Variants in RBMS3 observed in about 807,000 individuals in gnomAD.
The protein encoded by RBMS3 is RNA-binding motif, single-stranded-interacting protein 3.
A neutral mutation model predicts 66.8 loss-of-function variants in RBMS3; 27 were observed. The ratio of observed to expected loss-of-function variants is 0.40; its 90% CI spans 0.30 to 0.56. RBMS3 has a LOEUF of 0.56. RBMS3 is among the 20% of genes least tolerant of loss of function. The pLI is 0.40. For missense variants in RBMS3, 513 were observed against 549.5 expected (o/e 0.93, Z 0.66); for synonymous variants, 188 against 183.0 (o/e 1.03, Z -0.22).
chr3:29,546,185 TTTTA>T (rs2045943070), intron 3 of RBMS3, among the ~76,000 whole-genome samples: 1 of 151,990 alleles, frequency 6.6e-6, no homozygotes, highest in Non-Finnish European at 1.5e-5. Flanking sequence ...CACATTTATT[TTTTA>T]TTTAATTTAG....
chr3:29,511,774 T>C (rs1559424915), intron 3 of RBMS3, among the ~76,000 whole-genome samples: 1 of 152,078 alleles, frequency 6.6e-6, no homozygotes, highest in Non-Finnish European at 1.5e-5. Context: ...ATTTTCACAT[T>C]ATGACTTTAA....
At chr3:29,626,603 T>G (rs115860332) in intron 4 of RBMS3, among the ~76,000 whole-genome samples, 2,764 of 152,276 alleles carry the variant, frequency 0.018, 84 homozygotes, top group African/African-American at 0.062. Flanking sequence ...CCATTTTTGT[T>G]TGGCAATCAT....
chr3:29,991,054 G>A (rs768116016), intron 13 of RBMS3, 28 bp from the exon 14 acceptor site: 13 of 1,609,882 alleles, frequency 8.1e-6, no homozygotes, highest in Non-Finnish European at 1.1e-5. Flanking sequence ...AGCAAGTAAG[G>A]CTTTTATGTT....
At chr3:29,941,451 A>G (rs1313723797) in intron 11 of RBMS3, among the ~76,000 whole-genome samples, 1 of 151,854 alleles carries the variant, frequency 6.6e-6, no homozygotes, top group Admixed American at 6.6e-5. Context: ...CATCTAAAAT[A>G]GTTTTTTAGG....
chr3:29,736,777 A>G (rs1393440588), intron 4 of RBMS3, among the ~76,000 whole-genome samples: 1 of 152,176 alleles, frequency 6.6e-6, no homozygotes, highest in Non-Finnish European at 1.5e-5. Flanking sequence ...CTTCCCAGTA[A>G]AAAGACTCAG....
intron 6 of RBMS3, among the ~76,000 whole-genome samples, chr3:29,806,768 G>A (rs539105341): frequency 2.0e-5 from 3 of 152,000 alleles, no homozygotes; most frequent in East Asian, 3.9e-4. Flanking sequence ...ATTCAGGTAT[G>A]TCATGAATTC....
chr3:29,512,932 C>T (rs1242832919), intron 3 of RBMS3, among the ~76,000 whole-genome samples: 1 of 152,194 alleles, frequency 6.6e-6, no homozygotes, highest in African/African-American at 2.4e-5. Context: ...TGTCTGCTCT[C>T]ACCACATTCA....
intron 4 of RBMS3, among the ~76,000 whole-genome samples, chr3:29,600,094 T>A (rs2048092146): frequency 6.6e-6 from 1 of 152,128 alleles, no homozygotes; most frequent in Non-Finnish European, 1.5e-5. Flanking sequence ...TTGATAAAGT[T>A]ACGAATTGTT....
intron 10 of RBMS3, among the ~76,000 whole-genome samples, chr3:29,932,181 G>C (rs1019637833): frequency 6.6e-6 from 1 of 152,138 alleles, no homozygotes; most frequent in South Asian, 2.1e-4. Context: ...TGATTATATG[G>C]TGTGATTATT....
chr3:29,699,636 G>A (rs17024224), intron 4 of RBMS3, among the ~76,000 whole-genome samples: 18,429 of 152,076 alleles, frequency 0.12, 2,446 homozygotes, highest in African/African-American at 0.33. Context: ...ACATTGTGAC[G>A]TAAGTATTAC....
At chr3:29,648,206 A>G (rs998405184) in intron 4 of RBMS3, among the ~76,000 whole-genome samples, 1 of 149,654 alleles carries the variant, frequency 6.7e-6, no homozygotes, top group Admixed American at 6.7e-5. Context: ...TAAAAATTAT[A>G]TTCAATTATA....
At chr3:29,592,765 C>T (rs1202115447) in intron 4 of RBMS3, among the ~76,000 whole-genome samples, 2 of 152,074 alleles carry the variant, frequency 1.3e-5, no homozygotes, top group Non-Finnish European at 2.9e-5. Flanking sequence ...ACCCAAATGT[C>T]CATCGATGAT....
At chr3:29,576,000 C>A (rs1175551731) in intron 3 of RBMS3, among the ~76,000 whole-genome samples, 1 of 152,002 alleles carries the variant, frequency 6.6e-6, no homozygotes, top group Non-Finnish European at 1.5e-5. Context: ...AGGATTAGTC[C>A]TTCATGCATT....
chr3:29,377,063 T>A (rs1006364696), intron 1 of RBMS3, among the ~76,000 whole-genome samples: 8 of 150,556 alleles, frequency 5.3e-5, no homozygotes, highest in African/African-American at 2.0e-4. Flanking sequence ...CACTATAGCC[T>A]CGGTGACAAG....
intron 4 of RBMS3, among the ~76,000 whole-genome samples, chr3:29,678,901 G>C (rs2051368622): frequency 6.6e-6 from 1 of 152,092 alleles, no homozygotes. Context: ...GCTATTGACT[G>C]AGATGATATA....
intron 7 of RBMS3, among the ~76,000 whole-genome samples, chr3:29,873,890 TATTA>T (rs1227649248): frequency 2.6e-5 from 4 of 152,254 alleles, no homozygotes; most frequent in Non-Finnish European, 5.9e-5. Flanking sequence ...TAATTGCATT[TATTA>T]ATTGTCATGT....
chr3:29,560,094 T>C (rs2149046681), intron 3 of RBMS3, among the ~76,000 whole-genome samples: 1 of 152,304 alleles, frequency 6.6e-6, no homozygotes, highest in Non-Finnish European at 1.5e-5. Flanking sequence ...CCAAGAGTGA[T>C]AATTTCATAC....
chr3:29,312,192 G>A (rs527286067), intron 1 of RBMS3, among the ~76,000 whole-genome samples: 25 of 151,876 alleles, frequency 1.6e-4, no homozygotes, highest in African/African-American at 6.0e-4. Context: ...AACACGTCTA[G>A]TGTTAATCTA....
At chr3:29,682,811 T>C (rs972156128) in intron 4 of RBMS3, among the ~76,000 whole-genome samples, 14 of 152,066 alleles carry the variant, frequency 9.2e-5, no homozygotes, top group Non-Finnish European at 1.5e-4. Context: ...ATACACAAAG[T>C]AGGAAAGAGA....
Sources: gnomAD v4.1 joint callset for allele counts (sites outside exome capture counted in the v4.1 genomes callset) on GRCh38, gnomAD v4.1.1 for gene constraint, MANE v1.5 for transcripts, NCBI Gene and HGNC (gene_info 2026-07-23, HGNC 2026-07-21) for gene names.